IGF2R: variants seen among roughly 807,000 people sequenced by gnomAD.
The protein encoded by IGF2R is insulin like growth factor 2 receptor, also known as cation-independent mannose-6-phosphate receptor.
In IGF2R, 91 loss-of-function variants were observed where a neutral mutation model predicts 270.6. That is an observed-to-expected ratio of 0.34 (90% CI 0.28 to 0.40). IGF2R has a LOEUF of 0.40. IGF2R is among the 10% of genes least tolerant of loss of function. The probability of loss-of-function intolerance (pLI) is 1.00; values close to 1 mark genes in which losing one functional copy is unlikely to be tolerated. For synonymous variants in IGF2R, 1,316 were observed against 1,258.9 expected, an observed-to-expected ratio of 1.05 and a Z score of -0.96; for missense variants, 2,805 against 3,188.3, an observed-to-expected ratio of 0.88 and a Z score of 2.90.
chr6:160,023,811 GGTCACCA>G, intron 4 of IGF2R, among the ~76,000 whole-genome samples: 1 of 152,322 alleles, frequency 6.6e-6, no homozygotes, highest in East Asian at 1.9e-4. Flanking sequence ...CCATGCACGA[GGTCACCA>G]AGGGATTGGG....
intron 10 of IGF2R, among the ~76,000 whole-genome samples, chr6:160,039,903 T>G (rs1178388421): frequency 6.6e-6 from 1 of 152,092 alleles, no homozygotes; most frequent in East Asian, 1.9e-4. Flanking sequence ...GGTGGCTCAC[T>G]CTTGGTGGAA....
At chr6:160,016,811 A>C (rs1777310297) in intron 4 of IGF2R, among the ~76,000 whole-genome samples, 2 of 152,264 alleles carry the variant, frequency 1.3e-5, no homozygotes, top group Admixed American at 1.3e-4. Context: ...TCCAGAAGCA[A>C]AGCCAAATAA....
rs1006603580 is a variant in IGF2R at position 160,108,542 on chromosome 6, C to G, written c.*3458C>G. The G allele has an allele frequency of 1.1e-4, 16 of 152,334 alleles. No individual in the cohort carries two copies. Among genetic ancestry groups the G allele is most frequent in the Non-Finnish European group, 1.8e-4 (12 of 68,138 alleles). The allele number at this position is 152,334 out of a possible 1,614,324, so 9.4% of individuals were successfully genotyped here. A position where few individuals can be genotyped will look rare whatever the true frequency, so the allele number is the denominator to read the frequency against. On this transcript the variant is annotated 3_prime_UTR_variant, in exon 48 of 48. Coordinates refer to ENST00000356956, the MANE Select transcript of IGF2R (RefSeq NM_000876.4). ...GTTGGGCATGGGAGCTGTGGCTGTG[C>G]TGAGCTGAGAAGCCTCAGACTGCCT...
chr6:160,035,434 T>C (rs117483878), intron 10 of IGF2R, among the ~76,000 whole-genome samples: 1 of 152,124 alleles, frequency 6.6e-6, no homozygotes, highest in African/African-American at 2.4e-5. Context: ...CAGGTCTGCG[T>C]TGGGAGAGAC....
In IGF2R at chr6:160,110,951, G is replaced by A. The variant is rs1477037867; in HGVS notation, c.*5867G>A. 1 of 152,242 alleles carries A rather than the reference G, an allele frequency of 6.6e-6. No homozygotes were observed. The highest frequency in any genetic ancestry group is 2.4e-5 in the African/African-American group (1 of 41,456). 9.4% of individuals were successfully genotyped at this position (152,242 alleles called of 1,614,324 possible). Reference sequence around the variant, plus strand: ...AGTGAGCAGATGTTGGTGAAAGGGTGCAGAGGTTCAGCTATGCAACATGAA... The same window carrying A: ...AGTGAGCAGATGTTGGTGAAAGGGTACAGAGGTTCAGCTATGCAACATGAA... On this transcript the variant is annotated 3_prime_UTR_variant, in exon 48 of 48. Coordinates refer to ENST00000356956, the MANE Select transcript of IGF2R (RefSeq NM_000876.4).
rs781627472 is a variant in IGF2R, at chr6:160,080,273, A to G, written c.5831A>G (p.His1944Arg). ...DRDHEWGFCR[H>R]SNSYRTSSII... Reference sequence around the variant, plus strand: ...GACCACGAGTGGGGCTTCTGCAGACACTGTGAGTAGGACGGCTCCGCGTCC... The same window carrying G: ...GACCACGAGTGGGGCTTCTGCAGACGCTGTGAGTAGGACGGCTCCGCGTCC... The change falls in exon 39 of 48, where the codon CAC becomes CGC. Residue 1944 changes from histidine to arginine, a missense_variant and splice_region_variant. His to Arg is a conservative substitution (Grantham distance 29). Coordinates refer to ENST00000356956, the MANE Select transcript of IGF2R (RefSeq NM_000876.4). 5.0e-6 allele frequency: 8 copies of G among 1,613,796 alleles called. 1 individual carries two copies. The East Asian group carries it at 1.6e-4, about 31-fold the overall frequency.
At chr6:159,973,061 C>A (rs73590516) in intron 1 of IGF2R, among the ~76,000 whole-genome samples, 4,139 of 152,142 alleles carry the variant, frequency 0.027, 175 homozygotes, top group African/African-American at 0.095. Flanking sequence ...GTGTGATAGG[C>A]TGTGGGACTG....
intron 33 of IGF2R, 71 bp downstream of exon 33, chr6:160,072,955 T>C: frequency 6.5e-7 from 1 of 1,532,614 alleles, no homozygotes; most frequent in Non-Finnish European, 8.8e-7. Flanking sequence ...TCTCTTTGCA[T>C]GCTAATGGCA....
intron 1 of IGF2R, among the ~76,000 whole-genome samples, chr6:159,981,861 G>A (rs1292594923): frequency 6.6e-6 from 1 of 152,182 alleles, no homozygotes; most frequent in East Asian, 1.9e-4. Context: ...GCTTCCAGCC[G>A]GATCCCTCTC....
chr6:159,981,145 G>C (rs1255320763), intron 1 of IGF2R, among the ~76,000 whole-genome samples: 1 of 152,204 alleles, frequency 6.6e-6, no homozygotes, highest in African/African-American at 2.4e-5. Context: ...CTGCTCTTCT[G>C]CTGGAAGCTC....
intron 20 of IGF2R, among the ~76,000 whole-genome samples, chr6:160,057,052 G>A (rs1024004377): frequency 9.2e-5 from 14 of 152,246 alleles, no homozygotes; most frequent in African/African-American, 3.1e-4. Context: ...TATAGGGTGA[G>A]GCTTGTGTGT....
chr6:160,085,143 G>T lies in IGF2R; in HGVS notation c.6205+12G>T. The T allele has an allele frequency of 6.2e-7, 1 of 1,612,086 alleles. No homozygotes were observed. The highest frequency in any genetic ancestry group is 8.5e-7 in the Non-Finnish European group (1 of 1,179,382). On this transcript the variant is annotated intron_variant, in intron 41 of 47. Coordinates refer to ENST00000356956, the MANE Select transcript of IGF2R (RefSeq NM_000876.4). ...GCTGGGTGTCATAGGTAAGGCCTGTGGGTCCTGGTCCTTGGTTCAAGGAGC... is the reference window on the plus strand; with the variant it reads ...GCTGGGTGTCATAGGTAAGGCCTGTTGGTCCTGGTCCTTGGTTCAAGGAGC...
chr6:159,981,894 A>G (rs1278395532), intron 1 of IGF2R, among the ~76,000 whole-genome samples: 1 of 152,082 alleles, frequency 6.6e-6, no homozygotes, highest in East Asian at 1.9e-4. Flanking sequence ...TTCCTTCCAG[A>G]CCCTGCATAC....
At chr6:160,012,531 G>A (rs1026885070) in intron 4 of IGF2R, among the ~76,000 whole-genome samples, 3 of 151,774 alleles carry the variant, frequency 2.0e-5, no homozygotes, top group African/African-American at 7.3e-5. Context: ...AGTGGGAGGG[G>A]GAGGTGCCGC....
intron 44 of IGF2R, chr6:160,093,959 A>G: frequency 2.9e-6 from 2 of 689,346 alleles, no homozygotes; most frequent in East Asian, 3.2e-5. Context: ...GAGAAGGTGG[A>G]TGTAGAACAG....
Position 160,058,955 on chromosome 6 carries a change from C to A in IGF2R, c.2948C>A (p.Pro983His). 6.2e-7 allele frequency: 1 copy of A among 1,614,238 alleles called. No individual in the cohort carries two copies. Among genetic ancestry groups the A allele is most frequent in the Non-Finnish European group, 8.5e-7 (1 of 1,180,036 alleles). ...MPVCGTILGK[P>H]ASGCEAETQT... is the part of the protein sequence containing the mutation. ...GTCTGTGGGACCATCCTGGGAAAAC[C>A]TGCTTCTGGCTGTGAGGCAGAAACC... is the stretch of plus-strand genomic sequence containing the variant. The change falls in exon 22 of 48, where the codon CCT becomes CAT. Residue 983 changes from proline (P) to histidine (H), a missense_variant. Coordinates refer to ENST00000356956, the MANE Select transcript of IGF2R (RefSeq NM_000876.4).
chr6:160,053,417 A>G (rs539529254), intron 19 of IGF2R, among the ~76,000 whole-genome samples: 1 of 152,286 alleles, frequency 6.6e-6, no homozygotes, highest in South Asian at 2.1e-4. Context: ...ATATAATAAA[A>G]AAAGGTATTA....
At chr6:160,039,057 A>G (rs997543805) in intron 10 of IGF2R, among the ~76,000 whole-genome samples, 1 of 152,204 alleles carries the variant, frequency 6.6e-6, no homozygotes, top group Non-Finnish European at 1.5e-5. Context: ...ATACATTAAT[A>G]TAGTCATGTG....
At chr6:160,029,250 G>T (rs1777637584) in intron 6 of IGF2R, among the ~76,000 whole-genome samples, 1 of 152,188 alleles carries the variant, frequency 6.6e-6, no homozygotes, top group South Asian at 2.1e-4. Context: ...AGAATGCTGG[G>T]ATTACAGGCG....
Sources: gnomAD v4.1 joint callset for allele counts (sites outside exome capture counted in the v4.1 genomes callset) on GRCh38, gnomAD v4.1.1 for gene constraint, MANE v1.5 for transcripts, NCBI Gene and HGNC (gene_info 2026-07-23, HGNC 2026-07-21) for gene names.